Variants in DNAH7 observed in about 807,000 individuals in gnomAD.
DNAH7 encodes the protein axonemal beta dynein heavy chain 7.
DNAH7 carries 397 observed loss-of-function variants against 444.6 expected under a neutral mutation model. The observed-to-expected ratio is 0.89, with a 90% CI of 0.82 to 0.97. DNAH7 has a LOEUF of 0.97. Ranked by LOEUF, DNAH7 falls within the 50% of genes least tolerant of loss-of-function variation. The pLI, the probability that DNAH7 is intolerant of heterozygous loss-of-function variation, is 0.00. For missense variants in DNAH7, 4,902 were observed against 4,800.8 expected (o/e 1.02, Z -0.62); for synonymous variants, 1,636 against 1,624.4 (o/e 1.01, Z -0.17).
intron 60 of DNAH7, among the ~76,000 whole-genome samples, chr2:195,774,262 A>G (rs868109425): frequency 6.6e-6 from 1 of 152,242 alleles, no homozygotes; most frequent in Non-Finnish European, 1.5e-5. Context: ...CATGCAATCT[A>G]ATGCTCCTAA....
chr2:196,030,921 T>G (rs544885219), intron 5 of DNAH7, among the ~76,000 whole-genome samples: 145 of 152,300 alleles, frequency 9.5e-4, no homozygotes, highest in African/African-American at 3.2e-3. Context: ...TCAGTGGATC[T>G]ACCATGCTGG....
chr2:196,031,613 T>G (rs953546176), intron 5 of DNAH7, among the ~76,000 whole-genome samples: 7 of 152,202 alleles, frequency 4.6e-5, no homozygotes, highest in African/African-American at 1.7e-4. Context: ...CCTAGAAGTT[T>G]CTTCCACCAG....
chr2:195,773,043 A>C (rs1694913958), intron 60 of DNAH7, among the ~76,000 whole-genome samples: 1 of 152,254 alleles, frequency 6.6e-6, no homozygotes, highest in South Asian at 2.1e-4. Flanking sequence ...GGCCTCCCAA[A>C]GTGCTGGGAT....
chr2:195,890,498 T>C (rs1701954138), intron 31 of DNAH7, among the ~76,000 whole-genome samples: 1 of 152,228 alleles, frequency 6.6e-6, no homozygotes, highest in Non-Finnish European at 1.5e-5. Flanking sequence ...AAGTATAAAA[T>C]AGAGGTATCT....
At chr2:195,738,177 G>T in intron 64 of DNAH7, 50 bp from the exon 65 acceptor site, 1 of 1,520,908 alleles carries the variant, frequency 6.6e-7, no homozygotes, top group Non-Finnish European at 9.1e-7. Context: ...TTTGTTAAAT[G>T]TACATGTGTT....
intron 12 of DNAH7, among the ~76,000 whole-genome samples, chr2:195,989,726 A>G (rs1693170810): frequency 6.6e-6 from 1 of 152,084 alleles, no homozygotes; most frequent in Non-Finnish European, 1.5e-5. Flanking sequence ...CCCTTGCCAT[A>G]GCAAACAAGT....
rs71015726 is a variant in DNAH7 at position 195,737,858 on chromosome 2, A to AAATAAT, written c.*62_*63insATTATT. ...AACAAAAAAAAAGGTTTAAGTAGTA[A>AAATAAT]AATATGCTTTCTCTACTCAGCCAGC... On this transcript the variant is annotated 3_prime_UTR_variant, in exon 65 of 65. Transcript: ENST00000312428. 4.6e-6 allele frequency: 7 copies of AAATAAT among 1,505,844 alleles called. No individual in the cohort carries two copies. The South Asian group carries it at 7.1e-5, about 15-fold the overall frequency. The allele number at this position is 1,505,844 out of a possible 1,614,324, so 93.3% of individuals were successfully genotyped here.
chr2:196,015,555 T>C (rs1013711988), intron 9 of DNAH7, among the ~76,000 whole-genome samples: 3 of 152,210 alleles, frequency 2.0e-5, no homozygotes, highest in Non-Finnish European at 2.9e-5. Context: ...AAATATGTGT[T>C]GTGTAGGGTA....
At chr2:195,779,433 A>G (rs919243240) in intron 58 of DNAH7, among the ~76,000 whole-genome samples, 1 of 152,208 alleles carries the variant, frequency 6.6e-6, no homozygotes, top group South Asian at 2.1e-4. Context: ...AAGCTGAAGC[A>G]TTTGTAGCAG....
At position 195,808,580 on chromosome 2, in the gene DNAH7, C is replaced by A. The variant is rs141544141; in HGVS notation, c.10083+102G>T. 503 of 1,369,350 alleles carry A rather than the reference C, an allele frequency of 3.7e-4. 1 individual carries two copies. The African/African-American group carries it at 6.7e-3, about 18-fold the overall frequency. The allele number at this position is 1,369,350 out of a possible 1,614,324, so 84.8% of individuals were successfully genotyped here. A position where few individuals can be genotyped will look rare whatever the true frequency, so the allele number is the denominator to read the frequency against. The stretch of plus-strand genomic sequence containing the variant: ...CAAAATTTGCATTCTAACATGTGAC[C>A]AGTTGTTTAAAGCTTATTTAAATCT... On this transcript the variant is annotated intron_variant, in intron 53 of 64. Coordinates refer to ENST00000312428, the MANE Select transcript of DNAH7 (RefSeq NM_018897.3).
intron 61 of DNAH7, among the ~76,000 whole-genome samples, chr2:195,763,606 C>A (rs1322964665): frequency 6.6e-6 from 1 of 151,834 alleles, no homozygotes; most frequent in East Asian, 1.9e-4. Flanking sequence ...ATTTATTATA[C>A]CAATAAACTG....
intron 31 of DNAH7, 33 bp from the exon 32 acceptor site, chr2:195,889,014 A>C: frequency 6.4e-7 from 1 of 1,557,106 alleles, no homozygotes. Flanking sequence ...GAGGGCAAAA[A>C]CGTAATGATG....
At chr2:196,044,375 T>C (rs1655952582) in intron 5 of DNAH7, among the ~76,000 whole-genome samples, 1 of 151,818 alleles carries the variant, frequency 6.6e-6, no homozygotes, top group Non-Finnish European at 1.5e-5. Context: ...CTCACTCATA[T>C]GTGGGACCTA....
At chr2:195,853,726 TTAA>T (rs1699529837) in intron 45 of DNAH7, among the ~76,000 whole-genome samples, 198 bp from the exon 46 acceptor site, 1 of 152,082 alleles carries the variant, frequency 6.6e-6, no homozygotes, top group East Asian at 1.9e-4. Context: ...ATTCATGAAA[TTAA>T]TAATGAATGA....
chr2:195,884,927 A>C (rs1701623857), intron 34 of DNAH7, 118 bp from the exon 35 acceptor site: 1 of 746,606 alleles, frequency 1.3e-6, no homozygotes, highest in Admixed American at 3.0e-5. Context: ...GTAAGCTCAA[A>C]TATATTAGTA....
At chr2:195,970,330 T>C (rs548749439) in intron 16 of DNAH7, among the ~76,000 whole-genome samples, 4 of 152,338 alleles carry the variant, frequency 2.6e-5, no homozygotes, top group African/African-American at 9.6e-5. Flanking sequence ...GTATTATCTA[T>C]GTAAGAAGTT....
chr2:196,027,140 C>G (rs576123306), intron 6 of DNAH7, among the ~76,000 whole-genome samples, 200 bp from the exon 7 acceptor site: 2 of 152,026 alleles, frequency 1.3e-5, no homozygotes, highest in Non-Finnish European at 2.9e-5. Context: ...AACTAAAACT[C>G]TTATCTCAGT....
chr2:195,956,949 T>G (rs116266236), intron 19 of DNAH7, among the ~76,000 whole-genome samples: 1 of 152,126 alleles, frequency 6.6e-6, no homozygotes, highest in Non-Finnish European at 1.5e-5. Flanking sequence ...AGCCACAGAA[T>G]AGACGGAGAC....
intron 5 of DNAH7, among the ~76,000 whole-genome samples, chr2:196,046,765 C>G (rs1201560708): frequency 7.4e-6 from 1 of 135,880 alleles, no homozygotes; most frequent in Non-Finnish European, 1.6e-5. Flanking sequence ...AGTTACTTAC[C>G]ACAATGGGTC....
Sources: allele counts gnomAD v4.1 joint callset (sites outside exome capture counted in the v4.1 genomes callset), GRCh38; gene constraint gnomAD v4.1.1; transcripts MANE v1.5; gene names NCBI Gene and HGNC (gene_info 2026-07-23, HGNC 2026-07-21).